SCNN1B: variants seen among roughly 807,000 people sequenced by gnomAD.
The protein encoded by SCNN1B is sodium channel epithelial 1 subunit beta, also known as epithelial sodium channel subunit beta.
SCNN1B carries 46 observed loss-of-function variants against 65.3 expected under a neutral mutation model. The observed-to-expected ratio is 0.70, with a 90% CI of 0.56 to 0.90. The LOEUF is 0.90. Ranked by LOEUF, SCNN1B falls within the 40% of genes least tolerant of loss-of-function variation. SCNN1B has a pLI of 0.00. For missense variants in SCNN1B, 751 were observed against 830.5 expected, an observed-to-expected ratio of 0.90 and a Z score of 1.18; for synonymous variants, 349 against 330.6, an observed-to-expected ratio of 1.06 and a Z score of -0.60.
chr16:23,319,135 G>A (rs1961535191), intron 1 of SCNN1B, among the ~76,000 whole-genome samples: 1 of 151,988 alleles, frequency 6.6e-6, no homozygotes, highest in Non-Finnish European at 1.5e-5. Flanking sequence ...CCACCTCCTG[G>A]GTTCAAGTGA....
intron 1 of SCNN1B, among the ~76,000 whole-genome samples, chr16:23,322,523 CT>C (rs897514971): frequency 2.6e-5 from 4 of 152,074 alleles, no homozygotes; most frequent in African/African-American, 9.6e-5. Context: ...GTTGCCCAGA[CT>C]AATCTTGAAT....
chr16:23,375,987 T>C, intron 8 of SCNN1B, 132 bp downstream of exon 8: 2 of 671,198 alleles, frequency 3.0e-6, no homozygotes, highest in South Asian at 3.4e-5. Flanking sequence ...CTCCACAGTC[T>C]GAGGTCCCTC....
intron 2 of SCNN1B, among the ~76,000 whole-genome samples, chr16:23,295,664 C>A (rs547021807): frequency 2.0e-5 from 3 of 152,286 alleles, no homozygotes; most frequent in Admixed American, 2.0e-4. Context: ...GGCCTTACTT[C>A]ATTCTTTTTT....
In SCNN1B at chr16:23,348,929, C is replaced by T; in HGVS notation, c.311+19C>T. On this transcript the variant is annotated intron_variant, in intron 2 of 12. Coordinates refer to ENST00000343070, the MANE Select transcript of SCNN1B (RefSeq NM_000336.3). The surrounding 1 kb of genome is among the most constrained non-coding windows in gnomAD (Gnocchi z 4.5). ...CCTTCAAGTAGGTGGCCCCGGAGTG[C>T]ACAGCTGGCCTCAGCAGACAGGCGG... 1 of 1,607,460 alleles carries T rather than the reference C, an allele frequency of 6.2e-7. No homozygotes were observed. The highest frequency in any genetic ancestry group is 1.1e-5 in the South Asian group (1 of 90,926).
intron 4 of SCNN1B, chr16:23,358,219 C>G (rs568681538): frequency 6.6e-6 from 1 of 152,186 alleles, no homozygotes; most frequent in Non-Finnish European, 1.5e-5. Context: ...GGGTGAGGGA[C>G]GGGTGGTCCC....
At position 23,341,205 on chromosome 16, in the gene SCNN1B, T is replaced by C. The variant is rs1962048618; in HGVS notation, c.-8-7387T>C. 2.0e-5 allele frequency among the ~76,000 whole-genome samples: 3 copies of C among 152,088 alleles called. No individual in the cohort carries two copies. In the South Asian group the frequency reaches 6.2e-4, roughly 31 times the overall value. On this transcript the variant is annotated intron_variant, in intron 1 of 12. Coordinates refer to ENST00000343070, the MANE Select transcript of SCNN1B (RefSeq NM_000336.3). ...AACATCAGACAAGGTGCCAAGACAA[T>C]TAAATGGGAGAAAGAATAGTCTGGG...
At chr16:23,278,850 G>A (rs528665087) in intron 1 of SCNN1B, among the ~76,000 whole-genome samples, 1 of 152,122 alleles carries the variant, frequency 6.6e-6, no homozygotes, top group East Asian at 1.9e-4. Context: ...TGAAGTGGGA[G>A]GATCACTTGA....
chr16:23,365,620 A>AGAAAGAAAGAGAAAGAAAGAAAG (rs11399911), intron 4 of SCNN1B, among the ~76,000 whole-genome samples: 9 of 80,500 alleles, frequency 1.1e-4, no homozygotes, highest in African/African-American at 3.4e-4. Flanking sequence ...AAAGAAAGAA[A>AGAAAGAAAGAGAAAGAAAGAAAG]AAAGAAAGAA....
chr16:23,375,646 G>C (rs770784832), intron 7 of SCNN1B, 92 bp from the exon 8 acceptor site: 1 of 906,282 alleles, frequency 1.1e-6, no homozygotes, highest in Non-Finnish European at 1.9e-6. Context: ...CCTTAACTTG[G>C]GCATCACTTC....
chr16:23,373,781 G>T (rs892039593), intron 7 of SCNN1B, among the ~76,000 whole-genome samples: 2 of 152,112 alleles, frequency 1.3e-5, no homozygotes, highest in Non-Finnish European at 2.9e-5. Context: ...GCGTCTGGAG[G>T]GACTTCTGCC....
intron 1 of SCNN1B, among the ~76,000 whole-genome samples, chr16:23,318,439 T>C (rs1961517800): frequency 6.6e-6 from 1 of 151,888 alleles, no homozygotes; most frequent in African/African-American, 2.4e-5. Flanking sequence ...TGAAACCCCA[T>C]CTCTACTAAA....
chr16:23,372,497 CTTTT>C (rs200783041), intron 7 of SCNN1B, among the ~76,000 whole-genome samples: 14 of 137,460 alleles, frequency 1.0e-4, no homozygotes, highest in African/African-American at 3.0e-4. Context: ...TGAGAAGTCC[CTTTT>C]TTTTTTTTTT....
At chr16:23,333,340 A>G (rs1373620951) in intron 1 of SCNN1B, among the ~76,000 whole-genome samples, 2 of 152,186 alleles carry the variant, frequency 1.3e-5, no homozygotes, top group Non-Finnish European at 2.9e-5. Flanking sequence ...ATTCGGGACA[A>G]CTAGAGACCT....
At chr16:23,361,405 G>T (rs949286091) in intron 4 of SCNN1B, among the ~76,000 whole-genome samples, 4 of 152,166 alleles carry the variant, frequency 2.6e-5, no homozygotes, top group African/African-American at 9.7e-5. Context: ...TTCAGACTAC[G>T]CTCAGGGGAA....
chr16:23,337,397 G>C (rs1296459337), intron 1 of SCNN1B, among the ~76,000 whole-genome samples: 1 of 145,742 alleles, frequency 6.9e-6, no homozygotes, highest in Non-Finnish European at 1.5e-5. Context: ...TTTTGAGATG[G>C]AGTTTCACTC....
chr16:23,281,696 A>G (rs1051233044), intron 1 of SCNN1B, among the ~76,000 whole-genome samples: 6 of 152,214 alleles, frequency 3.9e-5, no homozygotes, highest in African/African-American at 1.4e-4. Context: ...TCCTGGTTTT[A>G]TTCATCCAAA....
upstream of SCNN1B, among the ~76,000 whole-genome samples, chr16:23,298,040 G>A (rs142999471): frequency 8.5e-4 from 129 of 152,282 alleles, 1 homozygote; most frequent in East Asian, 0.023. Flanking sequence ...TAGATTGGCT[G>A]ATCTCATCTC....
chr16:23,372,049 T>C (rs1230795992), intron 7 of SCNN1B, 166 bp downstream of exon 7: 6 of 687,306 alleles, frequency 8.7e-6, no homozygotes, highest in Non-Finnish European at 1.6e-5. Context: ...TTTCCTGGGC[T>C]CTCTCACCAG....
intron 1 of SCNN1B, among the ~76,000 whole-genome samples, chr16:23,330,713 G>C (rs941729095): frequency 2.0e-5 from 3 of 152,084 alleles, no homozygotes. Flanking sequence ...GTTGGGACTA[G>C]AGTCATGTGC....
Sources: allele counts gnomAD v4.1 joint callset (sites outside exome capture counted in the v4.1 genomes callset), GRCh38; gene constraint gnomAD v4.1.1; non-coding constraint Gnocchi (gnomAD v3.1); transcripts MANE v1.5; gene names NCBI Gene and HGNC (gene_info 2026-07-23, HGNC 2026-07-21).